KLHDC4: variants seen among roughly 807,000 people sequenced by gnomAD.
The protein encoded by KLHDC4 is kelch domain-containing protein 4.
A neutral mutation model predicts 62.4 loss-of-function variants in KLHDC4; 90 were observed. The observed-to-expected ratio is 1.44, with a 90% CI of 1.22 to 1.72. The LOEUF (loss-of-function observed/expected upper bound fraction) is 1.72, where lower values mean the gene tolerates loss of function less well. Ranked by LOEUF, KLHDC4 falls within the 40% of genes most tolerant of loss-of-function variation. KLHDC4 has a pLI of 0.00. For missense variants in KLHDC4, 1,025 were observed against 699.7 expected (o/e 1.47, Z -5.25); for synonymous variants, 386 against 284.4 (o/e 1.36, Z -3.59).
intron 7 of KLHDC4, among the ~76,000 whole-genome samples, chr16:87,723,481 TCTG>T (rs2038811600): frequency 6.6e-6 from 1 of 152,246 alleles, no homozygotes; most frequent in Non-Finnish European, 1.5e-5. Context: ...CTACGACACA[TCTG>T]CTGGGAGAAA....
chr16:87,762,197 A>G, intron 1 of KLHDC4, 157 bp from the exon 2 acceptor site: 1 of 1,426,418 alleles, frequency 7.0e-7, no homozygotes. Flanking sequence ...AGAGTTTGAC[A>G]CATTCGAAAG....
At chr16:87,730,213 C>CA (rs2040097649) in intron 6 of KLHDC4, among the ~76,000 whole-genome samples, 1 of 152,242 alleles carries the variant, frequency 6.6e-6, no homozygotes, top group Admixed American at 6.5e-5. Context: ...CTCAGCCTCC[C>CA]AAAGTGCTGG....
chr16:87,765,414 C>T (rs1037083643), intron 1 of KLHDC4: 3 of 486,580 alleles, frequency 6.2e-6, no homozygotes, highest in Admixed American at 4.6e-5. Flanking sequence ...AGAGGCAGCC[C>T]CCGGCTCAAC....
chr16:87,699,989 C>A (rs2034062967), exon 1 of KLHDC4: 2 of 152,272 alleles, frequency 1.3e-5, no homozygotes, highest in African/African-American at 4.8e-5. Flanking sequence ...TACTCCTTCC[C>A]CGGGAGGTTT....
intron 5 of KLHDC4, among the ~76,000 whole-genome samples, chr16:87,742,395 A>C (rs2042368897): frequency 6.6e-6 from 1 of 152,152 alleles, no homozygotes; most frequent in Non-Finnish European, 1.5e-5. Flanking sequence ...CAAAACCTAC[A>C]CTACTTTCAT....
intron 10 of KLHDC4, 30 bp from the exon 11 acceptor site, chr16:87,708,496 G>T: frequency 6.5e-7 from 1 of 1,542,646 alleles, no homozygotes. Context: ...GCACATACAC[G>T]TCAGCGCAGC....
chr16:87,709,024 G>T (rs886136878), intron 10 of KLHDC4, among the ~76,000 whole-genome samples: 1 of 152,242 alleles, frequency 6.6e-6, no homozygotes, highest in Non-Finnish European at 1.5e-5. Context: ...CGTGTCCTGT[G>T]CCGCCAGAGC....
chr16:87,735,093 C>T (rs1370140940), intron 5 of KLHDC4, among the ~76,000 whole-genome samples: 1 of 149,700 alleles, frequency 6.7e-6, no homozygotes, highest in East Asian at 2.0e-4. Flanking sequence ...GAGGATCAGA[C>T]CTTCATTCAA....
At chr16:87,755,476 G>A (rs374646651) in intron 3 of KLHDC4, 184 bp from the exon 4 acceptor site, 17 of 474,260 alleles carry the variant, frequency 3.6e-5, no homozygotes, top group East Asian at 1.6e-4. Context: ...CAATGAAAAC[G>A]ACCGAACGCC....
chr16:87,731,935 T>C (rs2040447008), intron 5 of KLHDC4, among the ~76,000 whole-genome samples: 1 of 152,092 alleles, frequency 6.6e-6, no homozygotes, highest in African/African-American at 2.4e-5. Flanking sequence ...GGAAGGCAGG[T>C]TCTGCTGGAC....
At position 87,762,915 on chromosome 16, in the gene KLHDC4, C is replaced by G. The variant is rs544888728; in HGVS notation, c.100-875G>C. Among the ~76,000 whole-genome samples the G allele has an allele frequency of 8.5e-5, 13 of 152,250 alleles. No homozygotes were observed. The South Asian group carries it at 2.7e-3, about 32-fold the overall frequency. ...CCCTCCCCCACACCCACCTCTCCAACCTCACCTCCCACCTGGCCTCACTCT... is the reference window on the plus strand; with the variant it reads ...CCCTCCCCCACACCCACCTCTCCAAGCTCACCTCCCACCTGGCCTCACTCT... On this transcript the variant is annotated intron_variant, in intron 1 of 11. Transcript: ENST00000270583.
chr16:87,765,529 G>A (rs964175815), intron 1 of KLHDC4, among the ~76,000 whole-genome samples: 1 of 152,056 alleles, frequency 6.6e-6, no homozygotes. Context: ...GCAGAAAAAC[G>A]CCCGTGACAC....
At chr16:87,731,322 T>G (rs1376295434) in intron 5 of KLHDC4, among the ~76,000 whole-genome samples, 1 of 151,864 alleles carries the variant, frequency 6.6e-6, no homozygotes, top group Non-Finnish European at 1.5e-5. Flanking sequence ...TCTGCCTGAC[T>G]CAGACTCCCA....
intron 6 of KLHDC4, among the ~76,000 whole-genome samples, chr16:87,727,580 T>G (rs1428091213): frequency 1.3e-5 from 2 of 152,180 alleles, no homozygotes; most frequent in Non-Finnish European, 2.9e-5. Context: ...GCTCAGTGCC[T>G]GCCGGACCCA....
chr16:87,751,160 G>C (rs902648639), intron 4 of KLHDC4, among the ~76,000 whole-genome samples: 2 of 152,220 alleles, frequency 1.3e-5, no homozygotes, highest in African/African-American at 2.4e-5. Context: ...GCACGCTCCA[G>C]TTAGCGTGAA....
chr16:87,711,310 G>T lies in KLHDC4; in HGVS notation c.969C>A (p.Ser323Arg), dbSNP rs754523146. ...GGVCDEEEEE[S>R]LSGEFFNDLY... ...GATCGTTGAAGAACTCGCCCGACAG[G>T]CTCTCCTCCTCTTCCTCGTCACAGA... Residue 323 changes from serine to arginine, a missense_variant, in exon 9 of 12, where the codon AGC (serine) becomes AGA (arginine). Ser to Arg is a moderately radical substitution (Grantham distance 110). Transcript: ENST00000270583. 1 of 1,613,970 alleles carries T rather than the reference G, an allele frequency of 6.2e-7. No homozygotes were observed. Among genetic ancestry groups the T allele is most frequent in the African/African-American group, 1.3e-5 (1 of 74,940 alleles).
At chr16:87,734,881 C>T (rs1227826319) in intron 5 of KLHDC4, among the ~76,000 whole-genome samples, 1 of 152,084 alleles carries the variant, frequency 6.6e-6, no homozygotes, top group Admixed American at 6.5e-5. Context: ...GAGAAGAAAA[C>T]CCCACACATG....
intron 7 of KLHDC4, among the ~76,000 whole-genome samples, chr16:87,720,024 C>G (rs923643469): frequency 3.3e-5 from 5 of 152,224 alleles, no homozygotes; most frequent in Non-Finnish European, 5.9e-5. Flanking sequence ...CGCAGAAGTA[C>G]AGGCCACTTA....
chr16:87,733,260 G>A (rs942390491), intron 5 of KLHDC4, among the ~76,000 whole-genome samples: 4 of 152,234 alleles, frequency 2.6e-5, no homozygotes, highest in African/African-American at 9.6e-5. Context: ...GCATCTCCCA[G>A]CAGTCCTCCA....
Sources: allele counts gnomAD v4.1 joint callset (sites outside exome capture counted in the v4.1 genomes callset), GRCh38; gene constraint gnomAD v4.1.1; transcripts MANE v1.5; gene names NCBI Gene and HGNC (gene_info 2026-07-23, HGNC 2026-07-21).